CLASP1: variants seen among roughly 807,000 people sequenced by gnomAD.
CLASP1 encodes the protein CLIP-associating protein 1.
A neutral mutation model predicts 192.3 loss-of-function variants in CLASP1; 38 were observed. The ratio of observed to expected loss-of-function variants is 0.20; its 90% CI spans 0.15 to 0.26. The LOEUF (loss-of-function observed/expected upper bound fraction) is 0.26, where lower values mean the gene tolerates loss of function less well. Among genes scored for constraint, CLASP1 ranks in the 10% least tolerant of loss-of-function variants. CLASP1 has a pLI of 1.00. For missense variants in CLASP1, 1,433 were observed against 1,932.5 expected (o/e 0.74, Z 4.85); for synonymous variants, 691 against 712.8 (o/e 0.97, Z 0.49).
intron 14 of CLASP1, 87 bp from the exon 15 acceptor site, chr2:121,451,936 T>C (rs899839834): frequency 3.7e-6 from 3 of 813,776 alleles, no homozygotes; most frequent in Non-Finnish European, 6.1e-6. Flanking sequence ...CCCAATACTA[T>C]TTTTTATAAT....
intron 34 of CLASP1, among the ~76,000 whole-genome samples, chr2:121,377,035 A>C (rs2149322250): frequency 6.6e-6 from 1 of 152,336 alleles, no homozygotes; most frequent in East Asian, 1.9e-4. Flanking sequence ...CAATAAACGT[A>C]ATGTGCTTGA....
intron 37 of CLASP1, among the ~76,000 whole-genome samples, 180 bp from the exon 39 acceptor site, chr2:121,348,898 C>T (rs7561034): frequency 0.21 from 32,191 of 151,912 alleles, 6,533 homozygotes; most frequent in African/African-American, 0.53. Flanking sequence ...TAAAGGGGAG[C>T]GTGGGCCACG....
chr2:121,371,518 C>T (rs1414345891), intron 34 of CLASP1, among the ~76,000 whole-genome samples: 24 of 151,932 alleles, frequency 1.6e-4, no homozygotes, highest in Admixed American at 1.4e-3. Context: ...GGATTGCAGG[C>T]GTGAGCCACC....
chr2:121,463,625 A>G (rs1182506337), intron 9 of CLASP1, among the ~76,000 whole-genome samples: 1 of 152,180 alleles, frequency 6.6e-6, no homozygotes, highest in African/African-American at 2.4e-5. Flanking sequence ...AAGAGGACTC[A>G]AAGGCCAACA....
At chr2:121,367,125 G>A (rs1402751333) in intron 35 of CLASP1, among the ~76,000 whole-genome samples, 1 of 152,214 alleles carries the variant, frequency 6.6e-6, no homozygotes, top group Non-Finnish European at 1.5e-5. Context: ...AAGCAGGTGT[G>A]AAAGGAGAGG....
chr2:121,526,053 C>T, intron 5 of CLASP1, 133 bp from the exon 6 acceptor site: 2 of 661,378 alleles, frequency 3.0e-6, no homozygotes, highest in East Asian at 5.4e-5. Flanking sequence ...CTCTCCATCC[C>T]ATCCACACTG....
chr2:121,433,260 C>T (rs2081757254), intron 19 of CLASP1, among the ~76,000 whole-genome samples: 1 of 149,178 alleles, frequency 6.7e-6, no homozygotes, highest in Admixed American at 6.8e-5. Flanking sequence ...GCGGAGGTTG[C>T]AGTGAGCCAA....
chr2:121,382,236 TGTG>T, exon 33 of CLASP1: 1 of 1,609,338 alleles, frequency 6.2e-7, no homozygotes. Flanking sequence ...CTGAGAGCCT[TGTG>T]GGAGGGAGCG....
At chr2:121,462,500 G>A (rs77617451) in intron 10 of CLASP1, 32 bp downstream of exon 10, 1 of 1,245,272 alleles carries the variant, frequency 8.0e-7, no homozygotes, top group Non-Finnish European at 1.2e-6. Flanking sequence ...GTTGACCCTT[G>A]TTTGTAATCA....
At chr2:121,569,595 G>A (rs768598724) in intron 2 of CLASP1, among the ~76,000 whole-genome samples, 1 of 152,234 alleles carries the variant, frequency 6.6e-6, no homozygotes, top group Non-Finnish European at 1.5e-5. Context: ...GCTCACACCT[G>A]TAATCCCAGC....
chr2:121,574,119 G>A (rs1246641671), intron 2 of CLASP1, among the ~76,000 whole-genome samples: 1 of 152,178 alleles, frequency 6.6e-6, no homozygotes, highest in African/African-American at 2.4e-5. Flanking sequence ...CACAAGGTCA[G>A]GAGATCGAGA....
At chr2:121,533,608 T>C (rs2094956957) in intron 2 of CLASP1, among the ~76,000 whole-genome samples, 1 of 152,340 alleles carries the variant, frequency 6.6e-6, no homozygotes, top group Middle Eastern at 3.4e-3. Flanking sequence ...TTCTGTTTTA[T>C]GGAATGAGGT....
At chr2:121,447,548 G>C in intron 18 of CLASP1, 41 bp from the exon 19 acceptor site, 1 of 1,461,392 alleles carries the variant, frequency 6.8e-7, no homozygotes, top group Non-Finnish European at 9.2e-7. Flanking sequence ...GGACTACATA[G>C]AATTTTGAAA....
chr2:121,552,787 C>T (rs1341284812), intron 2 of CLASP1, among the ~76,000 whole-genome samples: 1 of 152,200 alleles, frequency 6.6e-6, no homozygotes, highest in African/African-American at 2.4e-5. Context: ...TCTGGCAATT[C>T]CTCAAAGAGC....
At chr2:121,598,183 C>T (rs923057176) in intron 2 of CLASP1, among the ~76,000 whole-genome samples, 1 of 152,174 alleles carries the variant, frequency 6.6e-6, no homozygotes, top group Non-Finnish European at 1.5e-5. Context: ...TGAACAGCAC[C>T]GCCATGGTGT....
At chr2:121,526,995 A>G (rs1422123723) in intron 5 of CLASP1, among the ~76,000 whole-genome samples, 2 of 152,242 alleles carry the variant, frequency 1.3e-5, no homozygotes. Flanking sequence ...TCCAATGGCT[A>G]GCAAGGGTAT....
chr2:121,461,746 T>C (rs1030119696), intron 10 of CLASP1, among the ~76,000 whole-genome samples: 1 of 152,070 alleles, frequency 6.6e-6, no homozygotes, highest in African/African-American at 2.4e-5. Flanking sequence ...AGTGGCGCAA[T>C]CTCAATTCAC....
chr2:121,627,508 C>A (rs1336608618), intron 1 of CLASP1, among the ~76,000 whole-genome samples: 2 of 152,126 alleles, frequency 1.3e-5, no homozygotes, highest in Non-Finnish European at 2.9e-5. Context: ...TTTTCCAATT[C>A]CTTAGGAAAC....
chr2:121,535,324 G>A (rs950203546), intron 2 of CLASP1, among the ~76,000 whole-genome samples: 3 of 152,092 alleles, frequency 2.0e-5, no homozygotes, highest in Admixed American at 6.6e-5. Flanking sequence ...GTCTTATTAT[G>A]TCTAAGAAGA....
Sources: allele counts gnomAD v4.1 joint callset (sites outside exome capture counted in the v4.1 genomes callset), GRCh38; gene constraint gnomAD v4.1.1; transcripts MANE v1.5; gene names NCBI Gene and HGNC (gene_info 2026-07-23, HGNC 2026-07-21).